The following NCEH1 variants were observed in gnomAD, a reference collection of about 807,000 sequenced individuals.
NCEH1 encodes the protein 2-acetyl MAGE hydrolase.
In NCEH1, 9 loss-of-function variants were observed where a neutral mutation model predicts 25.4. That is an observed-to-expected ratio of 0.35 (90% CI 0.21 to 0.62). The LOEUF (loss-of-function observed/expected upper bound fraction) is 0.62, where lower values mean the gene tolerates loss of function less well. Among genes scored for constraint, NCEH1 ranks in the 20% least tolerant of loss-of-function variants. The pLI is 0.72. For synonymous variants in NCEH1, 200 were observed against 199.8 expected (o/e 1.00, Z -0.01); for missense variants, 412 against 501.1 (o/e 0.82, Z 1.70).
intron 1 of NCEH1, among the ~76,000 whole-genome samples, chr3:172,670,193 A>G (rs1389745297): frequency 6.6e-6 from 1 of 152,194 alleles, no homozygotes; most frequent in Admixed American, 6.5e-5. Context: ...TGAACATAAT[A>G]TTATGACATT....
Position 172,633,909 on chromosome 3 carries a change from C to A in NCEH1, c.793G>T (p.Ala265Ser), listed in dbSNP as rs747341676. ...GAAGTGTGATTGTTAACGATCATTG[C>A]CTGCACAAAGTCATAGTTGCCTTTG... ...YFKGNYDFVQ[A>S]MIVNNHTSLD... is the part of the protein sequence containing the mutation. Residue 265 changes from alanine to serine, a missense_variant, in exon 5 of 5, where the codon GCA becomes TCA. Transcript: ENST00000475381. 6.2e-7 allele frequency: 1 copy of A among 1,614,168 alleles called. No individual in the cohort carries two copies. The highest frequency in any genetic ancestry group is 8.5e-7 in the Non-Finnish European group (1 of 1,180,006).
intron 1 of NCEH1, among the ~76,000 whole-genome samples, chr3:172,686,200 G>A (rs1467790772): frequency 1.3e-5 from 2 of 152,194 alleles, no homozygotes; most frequent in South Asian, 2.1e-4. Context: ...TTGTTTTACA[G>A]ATGAAGACTG....
intron 2 of NCEH1, 66 bp from the exon 3 acceptor site, chr3:172,645,758 T>C: frequency 1.1e-6 from 1 of 943,836 alleles, no homozygotes; most frequent in Non-Finnish European, 1.6e-6. Context: ...TCATAAATTC[T>C]GCTAAGTGTG....
At chr3:172,692,291 A>G (rs1024179477) in intron 1 of NCEH1, among the ~76,000 whole-genome samples, 1 of 152,168 alleles carries the variant, frequency 6.6e-6, no homozygotes, top group Non-Finnish European at 1.5e-5. Context: ...ATCAAATTAT[A>G]TATTTGGCCA....
At chr3:172,692,348 T>G (rs77842969) in intron 1 of NCEH1, among the ~76,000 whole-genome samples, 1 of 152,176 alleles carries the variant, frequency 6.6e-6, no homozygotes, top group African/African-American at 2.4e-5. Context: ...ATATTTTTAT[T>G]TTTCTTTCTC....
At chr3:172,643,956 C>T (rs901903906) in intron 3 of NCEH1, among the ~76,000 whole-genome samples, 2 of 152,172 alleles carry the variant, frequency 1.3e-5, no homozygotes, top group African/African-American at 4.8e-5. Context: ...CTTGAAGGTT[C>T]CTGTATTACC....
At chr3:172,672,903 T>C (rs2108513725) in intron 1 of NCEH1, among the ~76,000 whole-genome samples, 1 of 152,242 alleles carries the variant, frequency 6.6e-6, no homozygotes, top group Non-Finnish European at 1.5e-5. Context: ...GACAGAACTG[T>C]CCCCAGATAT....
chr3:172,640,564 GT>G (rs1408753548), intron 3 of NCEH1, among the ~76,000 whole-genome samples: 1 of 152,146 alleles, frequency 6.6e-6, no homozygotes, highest in Non-Finnish European at 1.5e-5. Flanking sequence ...CTGGAGTGCA[GT>G]GGCACAATCT....
rs1295772846 is a variant in NCEH1, at chr3:172,631,470, G to A, written c.*2005C>T. ...CCTACCAAAAAAACCACCACATAAG[G>A]AGAGGCCAATATAATTTGCCAGTCT... On this transcript the variant is annotated 3_prime_UTR_variant, in exon 5 of 5. Coordinates refer to ENST00000475381, the MANE Select transcript of NCEH1 (RefSeq NM_020792.6). 1.3e-5 allele frequency: 2 copies of A among 152,442 alleles called. No homozygotes were observed. Among genetic ancestry groups the A allele is most frequent in the African/African-American group, 4.8e-5 (2 of 41,358 alleles). The allele number at this position is 152,442 out of a possible 1,614,324, so 9.4% of individuals were successfully genotyped here.
intron 1 of NCEH1, among the ~76,000 whole-genome samples, chr3:172,696,736 T>G (rs1306028548): frequency 6.6e-6 from 1 of 152,206 alleles, no homozygotes; most frequent in African/African-American, 2.4e-5. Flanking sequence ...ACCATCAGTT[T>G]CATGAGGTGT....
chr3:172,662,645 C>T (rs1274987802), intron 1 of NCEH1, among the ~76,000 whole-genome samples: 2 of 152,096 alleles, frequency 1.3e-5, no homozygotes, highest in Non-Finnish European at 2.9e-5. Context: ...ATTTCAGAAC[C>T]TGTTATTGGT....
intron 2 of NCEH1, among the ~76,000 whole-genome samples, chr3:172,646,730 G>C (rs1183742422): frequency 6.6e-6 from 1 of 152,188 alleles, no homozygotes; most frequent in South Asian, 2.1e-4. Flanking sequence ...AAATTATGCA[G>C]AAAAGGCCAG....
chr3:172,636,137 G>T, intron 3 of NCEH1, 50 bp from the exon 4 acceptor site: 2 of 1,352,322 alleles, frequency 1.5e-6, no homozygotes, highest in Non-Finnish European at 2.1e-6. Context: ...AATTTTGGGG[G>T]ACATTTAAAG....
At chr3:172,677,541 G>C (rs1390053838) in intron 1 of NCEH1, among the ~76,000 whole-genome samples, 1 of 150,204 alleles carries the variant, frequency 6.7e-6, no homozygotes, top group Non-Finnish European at 1.5e-5. Flanking sequence ...CTTGTGATAG[G>C]AACAGCAGGT....
intron 1 of NCEH1, among the ~76,000 whole-genome samples, chr3:172,685,849 G>T (rs1042915318): frequency 1.3e-5 from 2 of 152,130 alleles, no homozygotes; most frequent in Admixed American, 6.5e-5. Context: ...GGCTTTCCAG[G>T]CTTTTGTAGC....
intron 1 of NCEH1, among the ~76,000 whole-genome samples, chr3:172,702,948 C>G (rs565360954): frequency 1.3e-5 from 2 of 152,176 alleles, no homozygotes; most frequent in East Asian, 3.9e-4. Flanking sequence ...GCTGTGATCA[C>G]ACCACTGCAT....
Position 172,658,936 on chromosome 3 carries a change from T to C in NCEH1, c.139-10822A>G, listed in dbSNP as rs530526034. On this transcript the variant is annotated intron_variant, in intron 1 of 4. Transcript: ENST00000475381. ...TACTGGCTTAGCTCCAAAATCCTCC[T>C]ATAGTCTACAGGATATGTCAAGGGC... Among the ~76,000 whole-genome samples, 8 of 145,850 alleles carry C rather than the reference T, an allele frequency of 5.5e-5. No individual in the cohort carries two copies. The East Asian group carries it at 1.3e-3, about 24-fold the overall frequency.
chr3:172,638,381 T>C (rs759045153), intron 3 of NCEH1, among the ~76,000 whole-genome samples: 7 of 151,564 alleles, frequency 4.6e-5, no homozygotes, highest in Non-Finnish European at 7.4e-5. Context: ...GGTGGTCAAT[T>C]AATCATGCAA....
chr3:172,645,706 AG>A lies in NCEH1; in HGVS notation c.368-15del, dbSNP rs1560182338. 4.5e-6 allele frequency: 7 copies of A among 1,553,926 alleles called. No individual in the cohort carries two copies. In the South Asian group the frequency reaches 8.3e-5, roughly 18 times the overall value. ...AATACCTGATTTCTAAAAGACACAAAGGGAACAATCATTACAAAACAGGTCA... is the reference window on the plus strand; with the variant it reads ...AATACCTGATTTCTAAAAGACACAAAGGAACAATCATTACAAAACAGGTCA... On this transcript the variant is annotated splice_polypyrimidine_tract_variant and intron_variant, in intron 2 of 4. Coordinates refer to ENST00000475381, the MANE Select transcript of NCEH1 (RefSeq NM_020792.6).
Sources: allele counts gnomAD v4.1 joint callset (sites outside exome capture counted in the v4.1 genomes callset), GRCh38; gene constraint gnomAD v4.1.1; transcripts MANE v1.5; gene names NCBI Gene and HGNC (gene_info 2026-07-23, HGNC 2026-07-21).